The following PARP15 variants were observed in gnomAD, a reference collection of about 807,000 sequenced individuals.
The protein encoded by PARP15 is poly(ADP-ribose) polymerase family member 15.
In PARP15, 50 loss-of-function variants were observed where a neutral mutation model predicts 62.1. The ratio of observed to expected loss-of-function variants is 0.81; its 90% confidence interval spans 0.64 to 1.02. The LOEUF (loss-of-function observed/expected upper bound fraction) is 1.02, where lower values mean the gene tolerates loss of function less well. Among genes scored for constraint, PARP15 ranks in the 50% least tolerant of loss-of-function variants. PARP15 has a pLI of 0.00. For missense variants in PARP15, 820 were observed against 826.5 expected (o/e 0.99, Z 0.10); for synonymous variants, 309 against 293.1 (o/e 1.05, Z -0.55).
At chr3:122,617,702 T>G (rs1419014197) in intron 6 of PARP15, among the ~76,000 whole-genome samples, 5 of 152,178 alleles carry the variant, frequency 3.3e-5, no homozygotes, top group Admixed American at 3.3e-4. Context: ...ATATGTCTAT[T>G]AATTTATAAC....
At chr3:122,624,306 C>T (rs1335898099) in intron 8 of PARP15, among the ~76,000 whole-genome samples, 1 of 152,156 alleles carries the variant, frequency 6.6e-6, no homozygotes, top group Non-Finnish European at 1.5e-5. Context: ...ACTGTACGTT[C>T]TAGGTGTTTT....
chr3:122,611,261 A>G (rs1423914325), intron 3 of PARP15, among the ~76,000 whole-genome samples: 1 of 152,212 alleles, frequency 6.6e-6, no homozygotes, highest in Non-Finnish European at 1.5e-5. Flanking sequence ...TAATACAAAT[A>G]CATTGTGGAA....
At chr3:122,631,115 C>T (rs1257204107) in intron 9 of PARP15, among the ~76,000 whole-genome samples, 2 of 152,194 alleles carry the variant, frequency 1.3e-5, no homozygotes, top group African/African-American at 4.8e-5. Flanking sequence ...GCAGCAGATC[C>T]AAAAGGACTG....
chr3:122,577,867 G>A lies in PARP15; in HGVS notation c.186+14G>A. On this transcript the variant is annotated intron_variant, in intron 1 of 11. Coordinates refer to ENST00000464300, the MANE Select transcript of PARP15 (RefSeq NM_001113523.3). ...TCCCGGAGTATGGTGAGGAGCGCGG[G>A]GGACGGGTGCGGGAAGGGGACAGCA... 2 of 1,535,216 alleles carry A rather than the reference G, an allele frequency of 1.3e-6. No individual in the cohort carries two copies. The highest frequency in any genetic ancestry group is 1.8e-6 in the Non-Finnish European group (2 of 1,137,746).
intron 10 of PARP15, 52 bp from the exon 11 acceptor site, chr3:122,634,968 A>G (rs1937263966): frequency 6.4e-7 from 1 of 1,552,904 alleles, no homozygotes; most frequent in Admixed American, 1.7e-5. Context: ...CAAGTACAAT[A>G]TACTGAGCCC....
At position 122,626,890 on chromosome 3, in the gene PARP15, C is replaced by T. The variant is rs531555465; in HGVS notation, c.1295C>T (p.Ser432Leu). 4 of 1,614,072 alleles carry T rather than the reference C, an allele frequency of 2.5e-6. No homozygotes were observed. The highest frequency in any genetic ancestry group is 2.2e-5 in the South Asian group (2 of 91,062). ...DNIIDAIVDF[S>L]SQHSTPSLKT... ...ATAATCGATGCTATTGTAGACTTCT[C>T]ATCACAACATTCCACCCCATCATTA... The change falls in exon 9 of 12, where the codon TCA (serine) becomes TTA (leucine). Residue 432 changes from serine (S) to leucine (L), a missense_variant. Around this residue, in one of 3 missense-constraint regions of PARP15, gnomAD observed 731 missense variants for 727.7 expected, o/e 1.00. Coordinates refer to ENST00000464300, the MANE Select transcript of PARP15 (RefSeq NM_001113523.3).
intron 6 of PARP15, among the ~76,000 whole-genome samples, chr3:122,617,731 C>A (rs1246256248): frequency 6.6e-6 from 1 of 152,084 alleles, no homozygotes; most frequent in African/African-American, 2.4e-5. Context: ...ATACACTCAA[C>A]CTTTTTGGGT....
At chr3:122,620,571 G>A (rs1249705231) in intron 7 of PARP15, among the ~76,000 whole-genome samples, 3 of 152,196 alleles carry the variant, frequency 2.0e-5, no homozygotes, top group African/African-American at 7.2e-5. Flanking sequence ...AGTGAATACA[G>A]TTCTGGAGTG....
At chr3:122,595,633 T>G (rs958488619) in intron 1 of PARP15, among the ~76,000 whole-genome samples, 26 of 152,184 alleles carry the variant, frequency 1.7e-4, no homozygotes, top group African/African-American at 6.0e-4. Flanking sequence ...CACTGCCACT[T>G]CCCCCTCCCT....
At chr3:122,631,503 T>C (rs948329675) in intron 9 of PARP15, among the ~76,000 whole-genome samples, 2 of 152,220 alleles carry the variant, frequency 1.3e-5, no homozygotes, top group African/African-American at 4.8e-5. Context: ...TCTTAGCAAG[T>C]TGATGTCTAG....
chr3:122,635,671 C>A, intron 11 of PARP15, 140 bp from the exon 12 acceptor site: 1 of 952,434 alleles, frequency 1.0e-6, no homozygotes, highest in Non-Finnish European at 1.5e-6. Context: ...CCTCAGCCTC[C>A]CAAAGTGTTG....
chr3:122,604,313 G>T (rs779702165), intron 1 of PARP15, among the ~76,000 whole-genome samples: 1 of 152,148 alleles, frequency 6.6e-6, no homozygotes, highest in Admixed American at 6.5e-5. Flanking sequence ...TCGATTAATA[G>T]TCAAACTTCA....
chr3:122,624,461 G>A (rs1175216328), intron 8 of PARP15, among the ~76,000 whole-genome samples: 2 of 152,180 alleles, frequency 1.3e-5, no homozygotes, highest in Non-Finnish European at 2.9e-5. Flanking sequence ...GGGAGGGTTG[G>A]TCTTCATACC....
chr3:122,626,767 A>G (rs1936752812), intron 8 of PARP15, 60 bp from the exon 9 acceptor site: 1 of 1,484,518 alleles, frequency 6.7e-7, no homozygotes, highest in African/African-American at 1.4e-5. Flanking sequence ...TGGATTTGCC[A>G]TATTTCATCA....
intron 1 of PARP15, among the ~76,000 whole-genome samples, chr3:122,589,887 A>ATTTTTTTTTTT (rs1559928879): frequency 1.5e-5 from 2 of 130,384 alleles, no homozygotes; most frequent in Non-Finnish European, 3.2e-5. Context: ...GTAAGGCATA[A>ATTTTTTTTTTT]CTTTTTTTTT....
intron 1 of PARP15, among the ~76,000 whole-genome samples, chr3:122,602,561 T>C (rs1934880979): frequency 6.6e-6 from 1 of 152,234 alleles, no homozygotes; most frequent in African/African-American, 2.4e-5. Context: ...GCTCTGTTGC[T>C]AGGGAATCTG....
intron 7 of PARP15, among the ~76,000 whole-genome samples, chr3:122,620,117 G>T (rs1408194994): frequency 6.6e-6 from 1 of 152,130 alleles, no homozygotes; most frequent in Non-Finnish European, 1.5e-5. Flanking sequence ...TTTACTGAGC[G>T]ATCCTAGGCA....
In PARP15 at chr3:122,635,813, G is replaced by A; in HGVS notation, c.1750G>A (p.Val584Ile). The change falls in exon 12 of 12, where the codon GTA becomes ATA. Residue 584 changes from valine to isoleucine, a missense_variant and splice_region_variant. This residue lies in a region of PARP15 where 731 missense variants were observed against 727.7 expected (regional missense o/e 1.00). Transcript: ENST00000464300. ...GGTTTTTGTCTTTCTCTTTCCAGCT[G>A]TATCCTATGGAAAAGGAACCTATTT... ...FNRSCAGKNA[V>I]SYGKGTYFAV... 6.2e-7 allele frequency: 1 copy of A among 1,612,240 alleles called. No individual in the cohort carries two copies.
At position 122,577,699 on chromosome 3, in the gene PARP15, C is replaced by T; in HGVS notation, c.32C>T (p.Ala11Val). 6.4e-7 allele frequency: 1 copy of T among 1,551,598 alleles called. No individual in the cohort carries two copies. The highest frequency in any genetic ancestry group is 8.7e-7 in the Non-Finnish European group (1 of 1,146,862). ...GCGCCAGGCCCCCTTCCTGCCGCTGCTCTGAGTCCAGGGGCTCCGACCCCC... is the reference window on the plus strand; with the variant it reads ...GCGCCAGGCCCCCTTCCTGCCGCTGTTCTGAGTCCAGGGGCTCCGACCCCC... MAAPGPLPAA[A>V]LSPGAPTPRE... The change falls in exon 1 of 12, where the codon GCT (alanine) becomes GTT (valine). Residue 11 changes from alanine to valine, a missense_variant. Coordinates refer to ENST00000464300, the MANE Select transcript of PARP15 (RefSeq NM_001113523.3).
Sources: gnomAD v4.1 joint callset for allele counts (sites outside exome capture counted in the v4.1 genomes callset) on GRCh38, gnomAD v4.1.1 for gene constraint, gnomAD v4.1.1 regional missense constraint, MANE v1.5 for transcripts, NCBI Gene and HGNC (gene_info 2026-07-23, HGNC 2026-07-21) for gene names.